Variants in NRG1 observed in about 807,000 individuals in gnomAD.
NRG1 encodes neuregulin 1.
In NRG1, 18 loss-of-function variants were observed where a neutral mutation model predicts 63.8. The observed-to-expected ratio is 0.28, with a 90% CI of 0.19 to 0.42. The LOEUF is 0.42. Among genes scored for constraint, NRG1 ranks in the 10% least tolerant of loss-of-function variants. The pLI is 1.00. For missense variants in NRG1, 762 were observed against 814.7 expected, an observed-to-expected ratio of 0.94 and a Z score of 0.79; for synonymous variants, 302 against 301.3, an observed-to-expected ratio of 1.00 and a Z score of -0.02.
intron 1 of NRG1, among the ~76,000 whole-genome samples, chr8:31,900,036 A>T (rs987010997): frequency 1.3e-5 from 2 of 152,166 alleles, no homozygotes; most frequent in Non-Finnish European, 2.9e-5. Context: ...TGCTTTTCAG[A>T]TGCATGAAAC....
At chr8:32,648,343 C>G in intron 5 of NRG1, 1 of 1,614,144 alleles carries the variant, frequency 6.2e-7, no homozygotes, top group Non-Finnish European at 8.5e-7. Flanking sequence ...GCAACTCAGC[C>G]ACAAACAACA....
chr8:32,511,343 GTGTC>G (rs1421044049), intron 1 of NRG1, among the ~76,000 whole-genome samples: 2 of 140,802 alleles, frequency 1.4e-5, no homozygotes, highest in Non-Finnish European at 3.0e-5. Context: ...GTGTGTGTGT[GTGTC>G]TGTCTGTCGA....
intron 1 of NRG1, chr8:31,639,928 C>T (rs1803568685): frequency 2.5e-5 from 28 of 1,116,554 alleles, no homozygotes; most frequent in Middle Eastern, 2.4e-4. Flanking sequence ...GGAGGCAGCG[C>T]GAGAGAGCCG....
intron 1 of NRG1, among the ~76,000 whole-genome samples, chr8:32,568,151 G>A (rs10111459): frequency 0.053 from 8,095 of 152,226 alleles, 754 homozygotes; most frequent in African/African-American, 0.19. Flanking sequence ...TTGGTCATTC[G>A]CTGCTTGGGA....
At chr8:32,731,068 G>C (rs1823533088) in intron 6 of NRG1, among the ~76,000 whole-genome samples, 1 of 152,130 alleles carries the variant, frequency 6.6e-6, no homozygotes, top group Non-Finnish European at 1.5e-5. Context: ...GAGTGCATAT[G>C]ATAGTTTCTG....
At chr8:31,751,858 T>C (rs775231439) in intron 1 of NRG1, among the ~76,000 whole-genome samples, 3 of 151,936 alleles carry the variant, frequency 2.0e-5, no homozygotes, top group Non-Finnish European at 2.9e-5. Context: ...ATAAAATGGA[T>C]GGGGGTGCCG....
intron 1 of NRG1, among the ~76,000 whole-genome samples, chr8:32,125,381 T>C (rs1833946098): frequency 6.6e-6 from 1 of 151,988 alleles, no homozygotes; most frequent in African/African-American, 2.4e-5. Flanking sequence ...CTGTAGACTT[T>C]AATTGCTGAG....
chr8:32,609,575 C>G (rs1441221663), intron 3 of NRG1, among the ~76,000 whole-genome samples: 4 of 126,024 alleles, frequency 3.2e-5, no homozygotes, highest in Admixed American at 3.1e-4. Flanking sequence ...TCCTTCCTTC[C>G]TTCCTTCCTT....
At chr8:32,557,822 A>G (rs1285407742) in intron 1 of NRG1, among the ~76,000 whole-genome samples, 1 of 152,196 alleles carries the variant, frequency 6.6e-6, no homozygotes, top group Non-Finnish European at 1.5e-5. Context: ...TGAATGGAAA[A>G]TGAAATACAT....
At chr8:32,247,407 T>C (rs1848689578) in intron 1 of NRG1, among the ~76,000 whole-genome samples, 1 of 152,148 alleles carries the variant, frequency 6.6e-6, no homozygotes, top group African/African-American at 2.4e-5. Context: ...GAGTTGGCAA[T>C]GACTCCCGTG....
intron 1 of NRG1, among the ~76,000 whole-genome samples, chr8:32,370,042 AG>A (rs1808601067): frequency 3.3e-5 from 5 of 152,184 alleles, no homozygotes; most frequent in African/African-American, 4.8e-5. Flanking sequence ...AAGAAAAAAA[AG>A]GGACATAGGT....
In NRG1 at chr8:31,852,326, T is replaced by C. The variant is rs1354614246; in HGVS notation, c.37+212895T>C. Among the ~76,000 whole-genome samples the C allele has an allele frequency of 3.3e-5, 5 of 150,040 alleles. No individual in the cohort carries two copies. The South Asian group carries it at 8.4e-4, about 25-fold the overall frequency. ...CTAACTGGTGTGAGATGGTATCTCATTGTGGTTTTGATTTGCATTTCTCTG... is the reference window on the plus strand; with the variant it reads ...CTAACTGGTGTGAGATGGTATCTCACTGTGGTTTTGATTTGCATTTCTCTG... On this transcript the variant is annotated intron_variant, in intron 1 of 10. Transcript: ENST00000519301.
chr8:32,420,097 C>T (rs549391857), intron 1 of NRG1, among the ~76,000 whole-genome samples: 26 of 152,176 alleles, frequency 1.7e-4, no homozygotes, highest in African/African-American at 6.3e-4. Flanking sequence ...CGTTGCTGCT[C>T]GTACTCTCTG....
intron 1 of NRG1, among the ~76,000 whole-genome samples, chr8:31,915,610 C>T (rs1416859312): frequency 2.0e-5 from 3 of 151,994 alleles, no homozygotes; most frequent in African/African-American, 7.2e-5. Context: ...CTTACACCTG[C>T]GATATTGCAA....
chr8:32,479,593 T>C (rs1824972143), intron 1 of NRG1, among the ~76,000 whole-genome samples: 1 of 152,160 alleles, frequency 6.6e-6, no homozygotes, highest in South Asian at 2.1e-4. Flanking sequence ...TCTGGTCAGA[T>C]ACTCAAAGGT....
At chr8:32,029,067 A>C (rs903760119) in intron 1 of NRG1, among the ~76,000 whole-genome samples, 1 of 152,162 alleles carries the variant, frequency 6.6e-6, no homozygotes, top group African/African-American at 2.4e-5. Flanking sequence ...TCATTAACAC[A>C]CTTTAGGAAA....
rs371039140 is a variant in NRG1, at chr8:32,352,961, T to TATAGAGAG, written c.38-242866_38-242865insTAGAGAGA. Among the ~76,000 whole-genome samples, 8 of 148,100 alleles carry TATAGAGAG rather than the reference T, an allele frequency of 5.4e-5. 1 individual carries two copies. The South Asian group carries it at 1.7e-3, about 31-fold the overall frequency. ...ATATGTGTGTGTGTATATATATATA[T>TATAGAGAG]ACAGAGAGAGAGAGACAGAGAGAGA... On this transcript the variant is annotated intron_variant, in intron 1 of 10. Transcript: ENST00000519301.
At chr8:32,647,960 C>T (rs529114121) in intron 5 of NRG1, 1 of 1,614,208 alleles carries the variant, frequency 6.2e-7, no homozygotes, top group East Asian at 2.2e-5. Flanking sequence ...TTGTCCCCAT[C>T]CTGGCTTGCC....
At chr8:31,688,733 G>A (rs577707846) in intron 1 of NRG1, among the ~76,000 whole-genome samples, 11 of 152,244 alleles carry the variant, frequency 7.2e-5, no homozygotes, top group Non-Finnish European at 1.0e-4. Context: ...CTGGGTTGGG[G>A]GTAAACAAGA....
Sources: gnomAD v4.1 joint callset for allele counts (sites outside exome capture counted in the v4.1 genomes callset) on GRCh38, gnomAD v4.1.1 for gene constraint, MANE v1.5 for transcripts, NCBI Gene and HGNC (gene_info 2026-07-23, HGNC 2026-07-21) for gene names.